Variants in ZNF804A observed in about 807,000 individuals in gnomAD.
ZNF804A encodes the protein zinc finger protein 804A.
A neutral mutation model predicts 16.5 loss-of-function variants in ZNF804A; 2 were observed. That is an observed-to-expected ratio of 0.12 (90% CI 0.05 to 0.38). The LOEUF is 0.38. Ranked by LOEUF, ZNF804A falls within the 10% of genes least tolerant of loss-of-function variation. The probability of loss-of-function intolerance (pLI) is 0.99; values close to 1 mark genes in which losing one functional copy is unlikely to be tolerated. For synonymous variants in ZNF804A, 534 were observed against 489.6 expected (o/e 1.09, Z -1.20); for missense variants, 1,473 against 1,390.7 (o/e 1.06, Z -0.94).
At chr2:184,918,158 A>T (rs1005077251) in intron 2 of ZNF804A, among the ~76,000 whole-genome samples, 3 of 152,136 alleles carry the variant, frequency 2.0e-5, no homozygotes, top group African/African-American at 7.2e-5. Context: ...GTAGCAGTCC[A>T]ATTTCCCCTT....
At chr2:184,628,281 A>G (rs532526785) in intron 1 of ZNF804A, among the ~76,000 whole-genome samples, 52 of 152,172 alleles carry the variant, frequency 3.4e-4, no homozygotes, top group African/African-American at 1.2e-3. Context: ...TGCCATTGCA[A>G]CAGCCTGGGC....
chr2:184,681,297 AT>A (rs1312790190), intron 1 of ZNF804A, among the ~76,000 whole-genome samples: 1 of 152,214 alleles, frequency 6.6e-6, no homozygotes, highest in African/African-American at 2.4e-5. Context: ...CACAAAAAAA[AT>A]CCCACTAAAA....
intron 1 of ZNF804A, among the ~76,000 whole-genome samples, chr2:184,692,840 C>A (rs1692754688): frequency 6.6e-6 from 1 of 151,974 alleles, no homozygotes; most frequent in Non-Finnish European, 1.5e-5. Context: ...ATTCTCCTGA[C>A]TATTACAGAT....
chr2:184,938,480 T>G lies in ZNF804A; in HGVS notation c.3084T>G (p.Ala1028=). 1 of 1,614,020 alleles carries G rather than the reference T, an allele frequency of 6.2e-7. No homozygotes were observed. The change falls in exon 4 of 4, where the codon GCT becomes GCG. Residue 1028 remains alanine, a synonymous_variant. Transcript: ENST00000302277. ...VTAEQILAPL[A]LPEQALLIPL... is the part of the protein sequence containing the mutation. ...CTGAGCAAATCCTGGCTCCATTAGC[T>G]TTACCAGAGCAAGCATTATTGATCC...
At chr2:184,800,344 G>A (rs1694704419) in intron 1 of ZNF804A, among the ~76,000 whole-genome samples, 1 of 147,400 alleles carries the variant, frequency 6.8e-6, no homozygotes, top group Non-Finnish European at 1.5e-5. Context: ...CCTTATTTAG[G>A]GTTAAATTGT....
intron 1 of ZNF804A, among the ~76,000 whole-genome samples, chr2:184,789,800 G>A (rs1002360791): frequency 1.3e-4 from 20 of 151,782 alleles, no homozygotes; most frequent in Admixed American, 3.9e-4. Flanking sequence ...TTGATTCTTT[G>A]TATCTTTATT....
At chr2:184,878,981 A>G (rs1684763704) in intron 2 of ZNF804A, among the ~76,000 whole-genome samples, 2 of 152,074 alleles carry the variant, frequency 1.3e-5, no homozygotes, top group African/African-American at 2.4e-5. Flanking sequence ...TAAGAATAAG[A>G]TGAACTACAC....
Position 184,928,780 on chromosome 2 carries a change from A to C in ZNF804A, c.256-4823A>C, listed in dbSNP as rs905221957. Among the ~76,000 whole-genome samples the C allele has an allele frequency of 2.6e-5, 4 of 152,094 alleles. No individual in the cohort carries two copies. In the South Asian group the frequency reaches 8.3e-4, roughly 32 times the overall value. ...TACCTCCATAGGTGAGCATCAGTGG[A>C]GTTCAGTTCGATTTTGCTTTCTGTT... On this transcript the variant is annotated intron_variant, in intron 2 of 3. Coordinates refer to ENST00000302277, the MANE Select transcript of ZNF804A (RefSeq NM_194250.2).
intron 1 of ZNF804A, among the ~76,000 whole-genome samples, chr2:184,781,254 G>T (rs1337351895): frequency 6.6e-6 from 1 of 151,618 alleles, no homozygotes; most frequent in African/African-American, 2.4e-5. Flanking sequence ...TTATATTTTG[G>T]CTTTGCAATG....
chr2:184,705,470 C>G lies in ZNF804A; in HGVS notation c.111+106400C>G, dbSNP rs184602789. ...TGAAGAGTGTAGCTAAAAAGATAAC[C>G]CAGAATATATTCTCATTTTCATATT... On this transcript the variant is annotated intron_variant, in intron 1 of 3. Coordinates refer to ENST00000302277, the MANE Select transcript of ZNF804A (RefSeq NM_194250.2). 2.6e-3 allele frequency among the ~76,000 whole-genome samples: 401 copies of G among 152,082 alleles called. 1 individual carries two copies. The highest frequency in any genetic ancestry group is 8.9e-3 in the African/African-American group (371 of 41,506).
intron 2 of ZNF804A, among the ~76,000 whole-genome samples, chr2:184,879,854 AC>A (rs1198548360): frequency 6.6e-6 from 1 of 152,106 alleles, no homozygotes; most frequent in Non-Finnish European, 1.5e-5. Flanking sequence ...TAGAAATGTT[AC>A]AGACAACTAT....
intron 2 of ZNF804A, among the ~76,000 whole-genome samples, chr2:184,894,011 T>C (rs931231967): frequency 4.6e-5 from 7 of 152,106 alleles, no homozygotes; most frequent in Non-Finnish European, 8.8e-5. Flanking sequence ...ATAAATAAAA[T>C]TGTCTAATCA....
intron 1 of ZNF804A, among the ~76,000 whole-genome samples, chr2:184,798,261 T>A (rs1694669459): frequency 6.6e-6 from 1 of 151,662 alleles, no homozygotes; most frequent in Non-Finnish European, 1.5e-5. Context: ...TTCTTTGTGC[T>A]TTTTTTTATT....
intron 2 of ZNF804A, among the ~76,000 whole-genome samples, chr2:184,904,439 A>G (rs1355352415): frequency 1.3e-5 from 2 of 152,066 alleles, no homozygotes; most frequent in African/African-American, 4.8e-5. Flanking sequence ...TAGAAGCTAA[A>G]TAGTCGACTA....
chr2:184,787,714 G>A (rs576449190), intron 1 of ZNF804A, among the ~76,000 whole-genome samples: 5 of 151,472 alleles, frequency 3.3e-5, no homozygotes, highest in African/African-American at 7.2e-5. Flanking sequence ...TGCCTTTCTC[G>A]TTGACTTCTT....
intron 1 of ZNF804A, among the ~76,000 whole-genome samples, chr2:184,646,906 C>A (rs1000347626): frequency 6.6e-6 from 1 of 152,212 alleles, no homozygotes; most frequent in Non-Finnish European, 1.5e-5. Flanking sequence ...TTGGCCCCTG[C>A]CACCTGGGGA....
chr2:184,649,556 C>T (rs1336516109), intron 1 of ZNF804A, among the ~76,000 whole-genome samples: 2 of 151,684 alleles, frequency 1.3e-5, no homozygotes, highest in Admixed American at 6.6e-5. Flanking sequence ...AGAGAAGATC[C>T]AAATGAGCAC....
intron 1 of ZNF804A, among the ~76,000 whole-genome samples, chr2:184,733,498 T>C (rs2105748753): frequency 6.6e-6 from 1 of 152,286 alleles, no homozygotes; most frequent in South Asian, 2.1e-4. Context: ...TCCTTATCTT[T>C]GTCTGATTTT....
rs368391943 is a variant in ZNF804A, at chr2:184,608,133, G to A, written c.111+9063G>A. The stretch of plus-strand genomic sequence containing the variant: ...GCTAATTTTTTGTATTTTTAGTAGA[G>A]ACGGGGTTTCACCGTTTTAGCCGGG... On this transcript the variant is annotated intron_variant, in intron 1 of 3. Coordinates refer to ENST00000302277, the MANE Select transcript of ZNF804A (RefSeq NM_194250.2). Among the ~76,000 whole-genome samples, 4 of 151,218 alleles carry A rather than the reference G, an allele frequency of 2.6e-5. No individual in the cohort carries two copies. The East Asian group carries it at 7.8e-4, about 29-fold the overall frequency.
Sources: allele counts gnomAD v4.1 joint callset (sites outside exome capture counted in the v4.1 genomes callset), GRCh38; gene constraint gnomAD v4.1.1; transcripts MANE v1.5; gene names NCBI Gene and HGNC (gene_info 2026-07-23, HGNC 2026-07-21).